Variants in ZBTB40 observed in about 807,000 individuals in gnomAD.
ZBTB40 encodes the protein zinc finger and BTB domain-containing protein 40.
Under a neutral mutation model 117.5 loss-of-function variants are expected in ZBTB40, and 60 were observed. The observed-to-expected ratio is 0.51, with a 90% CI of 0.41 to 0.63. The LOEUF is 0.63. Ranked by LOEUF, ZBTB40 falls within the 30% of genes least tolerant of loss-of-function variation. The pLI is 0.00. For synonymous variants in ZBTB40, 525 were observed against 577.1 expected, an observed-to-expected ratio of 0.91 and a Z score of 1.29; for missense variants, 1,287 against 1,498.5, an observed-to-expected ratio of 0.86 and a Z score of 2.33.
At chr1:22,518,535 C>T (rs779800519) in intron 13 of ZBTB40, among the ~76,000 whole-genome samples, 1 of 152,182 alleles carries the variant, frequency 6.6e-6, no homozygotes, top group Non-Finnish European at 1.5e-5. Flanking sequence ...CTCACATGCT[C>T]TTCTTCCCTC....
At chr1:22,432,925 G>A (rs949166209) in intron 1 of ZBTB40, among the ~76,000 whole-genome samples, 4 of 152,162 alleles carry the variant, frequency 2.6e-5, no homozygotes, top group Non-Finnish European at 4.4e-5. Flanking sequence ...AGCAAGTCAC[G>A]TAGTTGCAAC....
Position 22,508,769 on chromosome 1 carries a change from T to C in ZBTB40, c.1699+38T>C, listed in dbSNP as rs557224448. 3 of 1,573,268 alleles carry C rather than the reference T, an allele frequency of 1.9e-6. No individual in the cohort carries two copies. In the African/African-American group the frequency reaches 4.1e-5, roughly 21 times the overall value. On this transcript the variant is annotated intron_variant, in intron 8 of 17. Coordinates refer to ENST00000375647, the MANE Select transcript of ZBTB40 (RefSeq NM_014870.4). ...CCCTCTGGGGGGGTTTTGCCCCCACTAGAGATGACTGTCAGTCTTCCTAGA... is the reference window on the plus strand; with the variant it reads ...CCCTCTGGGGGGGTTTTGCCCCCACCAGAGATGACTGTCAGTCTTCCTAGA...
chr1:22,503,525 T>C (rs1639000354), intron 5 of ZBTB40, among the ~76,000 whole-genome samples: 1 of 152,194 alleles, frequency 6.6e-6, no homozygotes, highest in East Asian at 1.9e-4. Context: ...AAGCCACTGA[T>C]ATAATGGCTA....
At chr1:22,493,155 C>T (rs1307864564) in intron 3 of ZBTB40, among the ~76,000 whole-genome samples, 2 of 151,968 alleles carry the variant, frequency 1.3e-5, no homozygotes, top group African/African-American at 4.8e-5. Context: ...TTCTTTTTTT[C>T]CATTTCTTGT....
At chr1:22,433,436 A>AAAAAAAAAAAAAAAAAAAAAAAC (rs1640624985) in intron 1 of ZBTB40, among the ~76,000 whole-genome samples, 1 of 128,702 alleles carries the variant, frequency 7.8e-6, no homozygotes, top group Non-Finnish European at 1.7e-5. Flanking sequence ...CCCTCTCAAA[A>AAAAAAAAAAAAAAAAAAAAAAAC]AAAAAAAAAA....
Position 22,490,102 on chromosome 1 carries a change from CT to C in ZBTB40, c.155del (p.Leu52ArgfsTer15). 6.2e-7 allele frequency: 1 copy of C among 1,614,192 alleles called. No homozygotes were observed. The highest frequency in any genetic ancestry group is 8.5e-7 in the Non-Finnish European group (1 of 1,180,032). On this transcript the variant is annotated frameshift_variant, in exon 2 of 18. Coordinates refer to ENST00000375647, the MANE Select transcript of ZBTB40 (RefSeq NM_014870.4). LOFTEE classifies it high-confidence loss of function. ...TGCTGCCAGCCTCCTGTTCAAAACC[CT>C]GCTGGATAACACAGATACCATCTCC... ...LAAASLLFKT[L>X]LDNTDTISID...
intron 1 of ZBTB40, among the ~76,000 whole-genome samples, chr1:22,440,914 T>C (rs1214514160): frequency 6.6e-6 from 1 of 152,184 alleles, no homozygotes; most frequent in Non-Finnish European, 1.5e-5. Flanking sequence ...TTAATGTTCA[T>C]AATGGATATT....
intron 1 of ZBTB40, among the ~76,000 whole-genome samples, chr1:22,441,423 T>G (rs1302151954): frequency 6.6e-6 from 1 of 151,882 alleles, no homozygotes; most frequent in East Asian, 1.9e-4. Context: ...TTCCTATTGT[T>G]TTTCTGTTCT....
chr1:22,432,560 A>G (rs796551288), intron 1 of ZBTB40, among the ~76,000 whole-genome samples: 28 of 152,382 alleles, frequency 1.8e-4, no homozygotes, highest in African/African-American at 6.5e-4. Context: ...TTTCATAGCC[A>G]TACAGGTACA....
intron 1 of ZBTB40, among the ~76,000 whole-genome samples, chr1:22,466,922 C>T (rs368009493): frequency 4.1e-4 from 62 of 151,846 alleles, no homozygotes; most frequent in South Asian, 1.5e-3. Flanking sequence ...TGATGAAATT[C>T]GATTTATTTA....
At chr1:22,496,606 G>A (rs1357080997) in intron 3 of ZBTB40, among the ~76,000 whole-genome samples, 1 of 152,188 alleles carries the variant, frequency 6.6e-6, no homozygotes, top group East Asian at 1.9e-4. Context: ...AAGTTAACTT[G>A]TTGGCTCCTG....
chr1:22,509,486 A>G (rs564891661), intron 9 of ZBTB40, among the ~76,000 whole-genome samples: 2 of 152,174 alleles, frequency 1.3e-5, no homozygotes, highest in South Asian at 4.2e-4. Context: ...AACTGGGATT[A>G]CAGGTGCGCA....
intron 1 of ZBTB40, among the ~76,000 whole-genome samples, chr1:22,466,228 T>C (rs1432125724): frequency 6.6e-6 from 1 of 152,268 alleles, no homozygotes; most frequent in Admixed American, 6.5e-5. Flanking sequence ...CTCCTTTTTA[T>C]GGATGAATAA....
intron 1 of ZBTB40, among the ~76,000 whole-genome samples, chr1:22,444,958 CT>C (rs1370416547): frequency 7.2e-5 from 11 of 152,192 alleles, no homozygotes; most frequent in Non-Finnish European, 1.2e-4. Context: ...TGGTCAAATT[CT>C]TTCTTCTGAG....
chr1:22,523,701 G>A (rs1269068826), intron 16 of ZBTB40, among the ~76,000 whole-genome samples: 1 of 151,974 alleles, frequency 6.6e-6, no homozygotes, highest in East Asian at 1.9e-4. Context: ...AGTTAAAAAC[G>A]TGCACCATTC....
intron 1 of ZBTB40, among the ~76,000 whole-genome samples, chr1:22,455,864 C>G (rs781370715): frequency 2.0e-4 from 30 of 151,622 alleles, no homozygotes; most frequent in Non-Finnish European, 4.1e-4. Context: ...CTTGGACTAT[C>G]TGTCTGCAAT....
chr1:22,441,520 C>T (rs1348802108), intron 1 of ZBTB40, among the ~76,000 whole-genome samples: 3 of 144,410 alleles, frequency 2.1e-5, no homozygotes, highest in Non-Finnish European at 3.0e-5. Context: ...TTCTGTCACC[C>T]AGGTTGGAGT....
At chr1:22,482,563 T>C (rs1378704379) in intron 1 of ZBTB40, among the ~76,000 whole-genome samples, 1 of 152,192 alleles carries the variant, frequency 6.6e-6, no homozygotes, top group African/African-American at 2.4e-5. Context: ...TTTTGACAAA[T>C]GTATAATGAC....
At chr1:22,524,015 C>T (rs1328978895) in intron 16 of ZBTB40, among the ~76,000 whole-genome samples, 1 of 152,220 alleles carries the variant, frequency 6.6e-6, no homozygotes, top group Non-Finnish European at 1.5e-5. Context: ...ATGGACCCTT[C>T]CAAGGCTCTG....
Sources: allele counts gnomAD v4.1 joint callset (sites outside exome capture counted in the v4.1 genomes callset), GRCh38; gene constraint gnomAD v4.1.1; transcripts MANE v1.5; gene names NCBI Gene and HGNC (gene_info 2026-07-23, HGNC 2026-07-21).